The following FHIP1A variants were observed in gnomAD, a reference collection of about 807,000 sequenced individuals.
FHIP1A encodes the protein FHF complex subunit HOOK interacting protein 1A, also known as FHF complex subunit HOOK-interacting protein 1A.
Under a neutral mutation model 88.6 loss-of-function variants are expected in FHIP1A, and 61 were observed. The ratio of observed to expected loss-of-function variants is 0.69; its 90% CI spans 0.56 to 0.85. The LOEUF is 0.85. FHIP1A is among the 40% of genes least tolerant of loss of function. FHIP1A has a pLI of 0.00. For synonymous variants in FHIP1A, 478 were observed against 496.0 expected, an observed-to-expected ratio of 0.96 and a Z score of 0.48; for missense variants, 1,154 against 1,273.5, an observed-to-expected ratio of 0.91 and a Z score of 1.43.
rs62327278 is a variant in FHIP1A at position 151,637,638 on chromosome 4, G to A, written c.1147-1039G>A. On this transcript the variant is annotated intron_variant, in intron 8 of 13. Transcript: ENST00000435205. ...GTAATATTGTGAGACAGAACAGAAA[G>A]GTTTCTTAAGGGAGGCGATGCCTAA... Among the ~76,000 whole-genome samples, 9 of 152,138 alleles carry A rather than the reference G, an allele frequency of 5.9e-5. No individual in the cohort carries two copies. In the South Asian group the frequency reaches 1.0e-3, roughly 18 times the overall value.
At chr4:151,512,732 T>G in intron 3 of FHIP1A, among the ~76,000 whole-genome samples, 1 of 150,180 alleles carries the variant, frequency 6.7e-6, no homozygotes. Flanking sequence ...TGAAATGAAG[T>G]GAGAAGGGAA....
intron 3 of FHIP1A, among the ~76,000 whole-genome samples, chr4:151,500,129 C>T (rs1730597481): frequency 6.6e-6 from 1 of 152,086 alleles, no homozygotes; most frequent in Non-Finnish European, 1.5e-5. Flanking sequence ...ACTATCAGGC[C>T]TGTATTAGAG....
intron 3 of FHIP1A, among the ~76,000 whole-genome samples, chr4:151,547,758 A>G (rs1257742762): frequency 6.6e-6 from 1 of 152,104 alleles, no homozygotes; most frequent in Non-Finnish European, 1.5e-5. Flanking sequence ...TACCAAAAAC[A>G]TAAAAATTAG....
intron 1 of FHIP1A, among the ~76,000 whole-genome samples, chr4:151,438,551 A>C (rs1043816866): frequency 2.0e-5 from 3 of 151,670 alleles, no homozygotes; most frequent in Admixed American, 6.6e-5. Context: ...CTACCTCACC[A>C]GAATTATTTA....
intron 2 of FHIP1A, among the ~76,000 whole-genome samples, chr4:151,458,590 A>G (rs1016070523): frequency 6.6e-6 from 1 of 152,082 alleles, no homozygotes; most frequent in Non-Finnish European, 1.5e-5. Flanking sequence ...CTTTTAATGT[A>G]GGTTTTGGCA....
chr4:151,620,978 GA>G (rs1187645206), intron 7 of FHIP1A, among the ~76,000 whole-genome samples: 1 of 151,680 alleles, frequency 6.6e-6, no homozygotes, highest in Non-Finnish European at 1.5e-5. Flanking sequence ...GATCTGGTCT[GA>G]AAGTTGGTGT....
At chr4:151,591,093 CTTT>C (rs552966792) in intron 7 of FHIP1A, among the ~76,000 whole-genome samples, 3 of 140,828 alleles carry the variant, frequency 2.1e-5, no homozygotes, top group Admixed American at 1.4e-4. Context: ...TGTTGGTTTG[CTTT>C]TTTTTTTTTT....
At chr4:151,527,244 G>A (rs1041245108) in intron 3 of FHIP1A, among the ~76,000 whole-genome samples, 1 of 152,202 alleles carries the variant, frequency 6.6e-6, no homozygotes, top group Non-Finnish European at 1.5e-5. Context: ...ATTGAGCACT[G>A]AGTGAACGAG....
chr4:151,412,333 T>G (rs1009246601), intron 1 of FHIP1A, among the ~76,000 whole-genome samples: 2 of 152,148 alleles, frequency 1.3e-5, no homozygotes, highest in Admixed American at 6.5e-5. Flanking sequence ...CTCAAACTCC[T>G]GACCTCAGGT....
chr4:151,658,915 A>C (rs896648665), intron 13 of FHIP1A, among the ~76,000 whole-genome samples: 4 of 152,302 alleles, frequency 2.6e-5, no homozygotes, highest in Non-Finnish European at 2.9e-5. Context: ...CGTCTTAGCT[A>C]ATTCAAGGAG....
At chr4:151,431,325 C>G (rs1003028855) in intron 1 of FHIP1A, among the ~76,000 whole-genome samples, 1 of 152,114 alleles carries the variant, frequency 6.6e-6, no homozygotes, top group Non-Finnish European at 1.5e-5. Flanking sequence ...ATGCAATTGT[C>G]CCCCAGAGGG....
At chr4:151,476,208 C>T (rs1359995637) in intron 2 of FHIP1A, among the ~76,000 whole-genome samples, 2 of 136,010 alleles carry the variant, frequency 1.5e-5, no homozygotes, top group African/African-American at 2.7e-5. Flanking sequence ...GTGGCAAGAT[C>T]ATGGCTCACT....
At position 151,650,184 on chromosome 4, in the gene FHIP1A, G is replaced by T; in HGVS notation, c.2143G>T (p.Glu715Ter). The stretch of plus-strand genomic sequence containing the variant: ...CAGTGAGCCCAAGGAGCCAAAGCAA[G>T]AGAGGGAACCTGAAGCAGCCCCAGA... ...FHSEPKEPKQ[E>*]REPEAAPESN... The change falls in exon 11 of 14, where the codon GAG becomes TAG. Residue 715 changes from glutamate (E) to a stop codon, truncating the protein, a stop_gained. Coordinates refer to ENST00000435205, the MANE Select transcript of FHIP1A (RefSeq NM_001109977.3). LOFTEE classifies it high-confidence loss of function. The T allele has an allele frequency of 6.4e-7, 1 of 1,551,752 alleles. No homozygotes were observed. The highest frequency in any genetic ancestry group is 1.2e-5 in the South Asian group (1 of 84,054).
chr4:151,481,427 A>T (rs895668228), intron 2 of FHIP1A, among the ~76,000 whole-genome samples: 1 of 151,972 alleles, frequency 6.6e-6, no homozygotes, highest in Non-Finnish European at 1.5e-5. Flanking sequence ...TAAGTAAATT[A>T]TGTGGTTGTG....
chr4:151,553,252 T>G (rs968607998), intron 3 of FHIP1A, among the ~76,000 whole-genome samples: 2 of 152,204 alleles, frequency 1.3e-5, no homozygotes, highest in African/African-American at 4.8e-5. Context: ...GTTTTATATT[T>G]CATAAACAAT....
At chr4:151,606,504 T>C (rs1735079430) in intron 7 of FHIP1A, among the ~76,000 whole-genome samples, 1 of 152,238 alleles carries the variant, frequency 6.6e-6, no homozygotes, top group South Asian at 2.1e-4. Flanking sequence ...CTTTTGTAGC[T>C]TCCCTTGACT....
At chr4:151,601,639 G>A (rs1305674382) in intron 7 of FHIP1A, among the ~76,000 whole-genome samples, 1 of 149,868 alleles carries the variant, frequency 6.7e-6, no homozygotes, top group Non-Finnish European at 1.5e-5. Context: ...AGCATAGGTA[G>A]CCATCACCAA....
chr4:151,658,239 C>T (rs1240103387), intron 13 of FHIP1A, among the ~76,000 whole-genome samples: 1 of 152,204 alleles, frequency 6.6e-6, no homozygotes, highest in African/African-American at 2.4e-5. Context: ...AGAGAAGGTA[C>T]ACCAATTACC....
chr4:151,524,865 C>T (rs1218304209), intron 3 of FHIP1A, among the ~76,000 whole-genome samples: 4 of 152,042 alleles, frequency 2.6e-5, no homozygotes, highest in Non-Finnish European at 4.4e-5. Flanking sequence ...GTTGCCTGTT[C>T]GACATGTAGA....
Sources: gnomAD v4.1 joint callset for allele counts (sites outside exome capture counted in the v4.1 genomes callset) on GRCh38, gnomAD v4.1.1 for gene constraint, MANE v1.5 for transcripts, NCBI Gene and HGNC (gene_info 2026-07-23, HGNC 2026-07-21) for gene names.